LINGO2: variants seen among roughly 807,000 people sequenced by gnomAD.
The protein encoded by LINGO2 is leucine-rich repeat and immunoglobulin-like domain-containing nogo receptor-interacting protein 2.
Under a neutral mutation model 30.6 loss-of-function variants are expected in LINGO2, and 14 were observed. The ratio of observed to expected loss-of-function variants is 0.46; its 90% CI spans 0.30 to 0.72. LINGO2 has a LOEUF of 0.72. Ranked by LOEUF, LINGO2 falls within the 30% of genes least tolerant of loss-of-function variation. The pLI is 0.07. For synonymous variants in LINGO2, 317 were observed against 288.5 expected (o/e 1.10, Z -1.00); for missense variants, 729 against 751.7 (o/e 0.97, Z 0.35).
chr9:28,895,841 G>A, the LINGO2 span, among the ~76,000 whole-genome samples: 5 of 151,612 alleles, frequency 3.3e-5, no homozygotes, highest in East Asian at 9.7e-4. Flanking sequence ...GATTTGAGGG[G>A]AAAAAAAACT....
intron 4 of LINGO2, among the ~76,000 whole-genome samples, chr9:28,191,512 G>T (rs559810969): frequency 6.6e-5 from 10 of 152,030 alleles, no homozygotes; most frequent in Non-Finnish European, 1.3e-4. Flanking sequence ...TTTATCTAGC[G>T]ATCCTTCTCT....
intron 1 of LINGO2, among the ~76,000 whole-genome samples, chr9:28,532,104 G>A (rs1821256307): frequency 6.6e-6 from 1 of 152,010 alleles, no homozygotes; most frequent in Non-Finnish European, 1.5e-5. Context: ...CTGAGAGCAA[G>A]GACTCTCATT....
intron 4 of LINGO2, among the ~76,000 whole-genome samples, chr9:28,021,368 T>C (rs76743245): frequency 0.065 from 9,914 of 152,286 alleles, 409 homozygotes; most frequent in Non-Finnish European, 0.094. Flanking sequence ...AAGTACATTG[T>C]ATAATTCTTA....
chr9:27,982,358 T>C (rs1158509094), intron 5 of LINGO2, among the ~76,000 whole-genome samples: 1 of 151,842 alleles, frequency 6.6e-6, no homozygotes, highest in African/African-American at 2.4e-5. Context: ...GAAGTAAATC[T>C]GTGAGATTTC....
the LINGO2 span, among the ~76,000 whole-genome samples, chr9:29,134,954 C>T: frequency 6.6e-6 from 1 of 151,144 alleles, no homozygotes; most frequent in Non-Finnish European, 1.5e-5. Flanking sequence ...ACCATAGCCT[C>T]ATCAACAGAG....
chr9:28,006,315 GAAATCCTTACCTAAGATTAAAA>G (rs201416261), intron 5 of LINGO2, among the ~76,000 whole-genome samples: 24,570 of 151,902 alleles, frequency 0.16, 2,161 homozygotes, highest in South Asian at 0.25. Flanking sequence ...TTAAAAAGAA[GAAATCCTTACCTAAGATTAAAA>G]AAATCCTTAC....
intron 1 of LINGO2, among the ~76,000 whole-genome samples, chr9:28,616,446 G>A (rs967814615): frequency 1.3e-5 from 2 of 152,126 alleles, no homozygotes; most frequent in African/African-American, 4.8e-5. Flanking sequence ...GTCTGAAGGT[G>A]ACAAAAGATG....
intron 4 of LINGO2, among the ~76,000 whole-genome samples, chr9:28,104,621 A>G (rs1826527016): frequency 1.3e-5 from 2 of 151,998 alleles, no homozygotes; most frequent in South Asian, 4.2e-4. Flanking sequence ...CTGACTCTCC[A>G]TTATTGTGGT....
At chr9:28,901,551 CA>C in the LINGO2 span, among the ~76,000 whole-genome samples, 1 of 151,338 alleles carries the variant, frequency 6.6e-6, no homozygotes, top group African/African-American at 2.4e-5. Context: ...ATTGTTACAT[CA>C]AAAACATAAA....
chr9:28,915,556 G>A, the LINGO2 span, among the ~76,000 whole-genome samples: 1 of 152,024 alleles, frequency 6.6e-6, no homozygotes, highest in South Asian at 2.1e-4. Context: ...CTTTCTGTTG[G>A]GCCTCACTTA....
At chr9:29,020,109 T>C in the LINGO2 span, among the ~76,000 whole-genome samples, 1 of 152,154 alleles carries the variant, frequency 6.6e-6, no homozygotes, top group Non-Finnish European at 1.5e-5. Flanking sequence ...AATATAAAAT[T>C]CCACTTACAC....
At chr9:28,185,550 T>C (rs1819511503) in intron 4 of LINGO2, among the ~76,000 whole-genome samples, 1 of 152,208 alleles carries the variant, frequency 6.6e-6, no homozygotes, top group Non-Finnish European at 1.5e-5. Flanking sequence ...ATTTCATCAA[T>C]TTTTGTCTAA....
chr9:28,899,531 T>G, the LINGO2 span, among the ~76,000 whole-genome samples: 2 of 152,160 alleles, frequency 1.3e-5, no homozygotes, highest in Non-Finnish European at 2.9e-5. Flanking sequence ...CACAAGCAAC[T>G]TGCTAGCCTT....
At chr9:29,000,827 G>T in the LINGO2 span, among the ~76,000 whole-genome samples, 2 of 151,838 alleles carry the variant, frequency 1.3e-5, no homozygotes, top group Non-Finnish European at 2.9e-5. Context: ...CTGTATTAAG[G>T]TTGAGGAATA....
At chr9:28,735,446 T>C in the LINGO2 span, among the ~76,000 whole-genome samples, 9 of 152,192 alleles carry the variant, frequency 5.9e-5, no homozygotes, top group Non-Finnish European at 1.0e-4. Flanking sequence ...ATATCCTTTC[T>C]CCTTTTAAGT....
At chr9:29,056,107 T>G in the LINGO2 span, among the ~76,000 whole-genome samples, 2 of 152,030 alleles carry the variant, frequency 1.3e-5, no homozygotes, top group East Asian at 3.9e-4. Flanking sequence ...GTATAATGAC[T>G]TCTTTTCCTC....
chr9:28,191,680 A>G (rs563326612), intron 4 of LINGO2, among the ~76,000 whole-genome samples: 4 of 152,234 alleles, frequency 2.6e-5, no homozygotes, highest in African/African-American at 7.2e-5. Context: ...TGTAAATGTC[A>G]TCAGTAACCT....
At chr9:28,848,193 C>CACTATATATACACT in the LINGO2 span, among the ~76,000 whole-genome samples, 23 of 92,850 alleles carry the variant, frequency 2.5e-4, 2 homozygotes, top group African/African-American at 1.2e-3. Context: ...TATATATACA[C>CACTATATATACACT]ATATATAGTA....
the LINGO2 span, among the ~76,000 whole-genome samples, chr9:28,969,925 C>T: frequency 4.6e-5 from 7 of 152,110 alleles, no homozygotes; most frequent in East Asian, 3.9e-4. Flanking sequence ...GTCTATTAGA[C>T]ATTTAAGTAG....
Sources: allele counts gnomAD v4.1 joint callset (sites outside exome capture counted in the v4.1 genomes callset), GRCh38; gene constraint gnomAD v4.1.1; transcripts MANE v1.5; gene names NCBI Gene and HGNC (gene_info 2026-07-23, HGNC 2026-07-21).